Variants in CEP170 observed in about 807,000 individuals in gnomAD.
The protein encoded by CEP170 is centrosomal protein of 170 kDa.
Under a neutral mutation model 151.9 loss-of-function variants are expected in CEP170, and 21 were observed. That is an observed-to-expected ratio of 0.14 (90% CI 0.10 to 0.20). The LOEUF (loss-of-function observed/expected upper bound fraction) is 0.20. Ranked by LOEUF, CEP170 falls within the 10% of genes least tolerant of loss-of-function variation. The probability of loss-of-function intolerance (pLI) is 1.00; values close to 1 mark genes in which losing one functional copy is unlikely to be tolerated. For synonymous variants in CEP170, 356 were observed against 648.8 expected (o/e 0.55, Z 6.86); for missense variants, 964 against 1,892.9 (o/e 0.51, Z 9.11).
At chr1:243,205,365 A>G (rs995416076) in intron 4 of CEP170, among the ~76,000 whole-genome samples, 1 of 152,190 alleles carries the variant, frequency 6.6e-6, no homozygotes, top group African/African-American at 2.4e-5. Context: ...CTTTTTCTGT[A>G]AAGGGCCAGA....
At chr1:243,231,133 C>A (rs1160680968) in intron 1 of CEP170, among the ~76,000 whole-genome samples, 5 of 150,788 alleles carry the variant, frequency 3.3e-5, no homozygotes, top group Non-Finnish European at 7.4e-5. Context: ...AATTTTATAC[C>A]CAGCAAAACT....
chr1:243,162,933 C>T (rs2058176860), intron 13 of CEP170, among the ~76,000 whole-genome samples: 1 of 152,164 alleles, frequency 6.6e-6, no homozygotes, highest in Admixed American at 6.5e-5. Context: ...CCAACCAAAG[C>T]TTCAAGTGTG....
chr1:243,189,448 C>T (rs1330012333), intron 8 of CEP170, among the ~76,000 whole-genome samples: 4 of 149,764 alleles, frequency 2.7e-5, no homozygotes, highest in Non-Finnish European at 4.4e-5. Flanking sequence ...TCCAGCTACT[C>T]GGGAGGCTGA....
chr1:243,209,425 G>A (rs1259973816), intron 4 of CEP170, among the ~76,000 whole-genome samples: 1 of 152,026 alleles, frequency 6.6e-6, no homozygotes, highest in African/African-American at 2.4e-5. Context: ...GACCTCAACT[G>A]ATCTGCCCAC....
chr1:243,143,733 G>GAA (rs1190979595), intron 14 of CEP170, among the ~76,000 whole-genome samples: 1 of 109,660 alleles, frequency 9.1e-6, no homozygotes, highest in African/African-American at 3.3e-5. Flanking sequence ...AACTTAAAAA[G>GAA]AAAAAAAAAA....
At position 243,191,083 on chromosome 1, in the gene CEP170, T is replaced by C. The variant is rs1470807455; in HGVS notation, c.1043A>G (p.Glu348Gly). The C allele has an allele frequency of 1.2e-6, 2 of 1,612,838 alleles. No homozygotes were observed. Among genetic ancestry groups the C allele is most frequent in the Non-Finnish European group, 1.7e-6 (2 of 1,179,224 alleles). The change falls in exon 8 of 20, where the codon GAA (glutamate) becomes GGA (glycine). Residue 348 changes from glutamate (E) to glycine (G), a missense_variant. Coordinates refer to ENST00000366542, the MANE Select transcript of CEP170 (RefSeq NM_014812.3). The part of the protein sequence containing the change: ...AQNNPPQMLW[E>G]RTEEDSKSIK... ...GCTTTTAGAATCCTCTTCTGTTCTT[T>C]CCCATAGCATTTGAGGAGGGTTGTT...
intron 1 of CEP170, among the ~76,000 whole-genome samples, chr1:243,250,053 G>A (rs1029253370): frequency 6.6e-6 from 1 of 152,158 alleles, no homozygotes; most frequent in Non-Finnish European, 1.5e-5. Flanking sequence ...CCTGGCGAGA[G>A]AGCAAGACTC....
At chr1:243,156,042 GA>G (rs920557553) in intron 14 of CEP170, among the ~76,000 whole-genome samples, 178 bp downstream of exon 14, 17 of 151,070 alleles carry the variant, frequency 1.1e-4, no homozygotes, top group East Asian at 1.9e-4. Context: ...TATAGGCATA[GA>G]AAAAAAAGAA....
chr1:243,222,158 A>G (rs558813823), intron 2 of CEP170, among the ~76,000 whole-genome samples: 4 of 152,332 alleles, frequency 2.6e-5, no homozygotes, highest in East Asian at 1.9e-4. Context: ...CATGTTTTAC[A>G]TATCTTATTG....
chr1:243,242,906 G>A lies in CEP170; in HGVS notation c.-42+12134C>T, dbSNP rs770487377. Among the ~76,000 whole-genome samples the A allele has an allele frequency of 4.6e-5, 7 of 152,118 alleles. No individual in the cohort carries two copies. The East Asian group carries it at 1.4e-3, about 30-fold the overall frequency. ...GTAGAGACGGGGTTTCTCCATGCTG[G>A]TCAGGCTGGTCTCCAACTCCCGACC... On this transcript the variant is annotated intron_variant, in intron 1 of 19. Transcript: ENST00000366542.
At position 243,219,599 on chromosome 1, in the gene CEP170, C is replaced by T. The variant is rs140875776; in HGVS notation, c.195+2125G>A. On this transcript the variant is annotated intron_variant, in intron 3 of 19. Transcript: ENST00000366542. ...TATTTGAGCATAGGCTTTTAAAAGA[C>T]TAAAATGCTGATGTAATTCCCGCTG... 3.0e-3 allele frequency among the ~76,000 whole-genome samples: 459 copies of T among 152,232 alleles called. 1 individual carries two copies. The highest frequency in any genetic ancestry group is 0.011 in the African/African-American group (436 of 41,512).
chr1:243,164,173 G>C lies in CEP170; in HGVS notation c.3676+111C>G, dbSNP rs2058281758. ...CCCCGTATATCATAACTTTTGTTTTGAATGAGTATCTTGGGAAGACAACTA... is the reference window on the plus strand; with the variant it reads ...CCCCGTATATCATAACTTTTGTTTTCAATGAGTATCTTGGGAAGACAACTA... On this transcript the variant is annotated intron_variant, in intron 13 of 19. Transcript: ENST00000366542. The C allele has an allele frequency of 2.4e-6, 3 of 1,261,786 alleles. No homozygotes were observed. The South Asian group carries it at 1.1e-4, about 45-fold the overall frequency. 78.2% of individuals were successfully genotyped at this position (1,261,786 alleles called of 1,614,324 possible).
intron 12 of CEP170, chr1:243,169,388 T>C (rs1422939212): frequency 1.8e-5 from 11 of 599,674 alleles, no homozygotes; most frequent in Non-Finnish European, 2.9e-5. Context: ...TCCCTCAAAA[T>C]ATACAATATC....
chr1:243,157,075 A>G (rs1477030355), intron 13 of CEP170, among the ~76,000 whole-genome samples: 2 of 152,254 alleles, frequency 1.3e-5, no homozygotes, highest in Non-Finnish European at 2.9e-5. Flanking sequence ...AAACACAACA[A>G]AGCATCTTCA....
At chr1:243,166,138 G>A in intron 12 of CEP170, 22 bp from the exon 13 acceptor site, 5 of 1,610,440 alleles carry the variant, frequency 3.1e-6, no homozygotes, top group South Asian at 1.1e-5. Context: ...AAACCACAAA[G>A]AAGGAATTGA....
At chr1:243,244,419 G>A (rs2065163672) in intron 1 of CEP170, among the ~76,000 whole-genome samples, 1 of 152,028 alleles carries the variant, frequency 6.6e-6, no homozygotes, top group Non-Finnish European at 1.5e-5. Context: ...CTAGTGAAAA[G>A]AGGAAACTAA....
chr1:243,254,009 T>C (rs1443276612), intron 1 of CEP170, among the ~76,000 whole-genome samples: 1 of 152,184 alleles, frequency 6.6e-6, no homozygotes, highest in East Asian at 1.9e-4. Context: ...CTCAGGAACA[T>C]AAATGCATTA....
intron 14 of CEP170, among the ~76,000 whole-genome samples, chr1:243,142,904 G>C (rs899902203): frequency 6.6e-6 from 1 of 152,122 alleles, no homozygotes; most frequent in African/African-American, 2.4e-5. Context: ...AATCACAGTG[G>C]TATTAGCAAT....
intron 15 of CEP170, 100 bp from the exon 16 acceptor site, chr1:243,140,207 C>T: frequency 6.7e-7 from 1 of 1,483,976 alleles, no homozygotes; most frequent in South Asian, 1.4e-5. Flanking sequence ...TTATTCCATT[C>T]TCAAGTAGTA....
Sources: gnomAD v4.1 joint callset for allele counts (sites outside exome capture counted in the v4.1 genomes callset) on GRCh38, gnomAD v4.1.1 for gene constraint, MANE v1.5 for transcripts, NCBI Gene and HGNC (gene_info 2026-07-23, HGNC 2026-07-21) for gene names.